The following TNS3 variants were observed in gnomAD, a reference collection of about 807,000 sequenced individuals.
TNS3 encodes the protein tensin-3.
A neutral mutation model predicts 140.9 loss-of-function variants in TNS3; 45 were observed. The ratio of observed to expected loss-of-function variants is 0.32; its 90% confidence interval spans 0.25 to 0.41. The LOEUF (loss-of-function observed/expected upper bound fraction) is 0.41. Ranked by LOEUF, TNS3 falls within the 10% of genes least tolerant of loss-of-function variation. TNS3 has a pLI of 1.00. For missense variants in TNS3, 1,716 were observed against 1,906.7 expected, an observed-to-expected ratio of 0.90 and a Z score of 1.86; for synonymous variants, 815 against 788.4, an observed-to-expected ratio of 1.03 and a Z score of -0.56.
At chr7:47,529,600 G>A (rs1394236182) in intron 1 of TNS3, among the ~76,000 whole-genome samples, 1 of 152,182 alleles carries the variant, frequency 6.6e-6, no homozygotes, top group African/African-American at 2.4e-5. Context: ...GGCTTTCCTG[G>A]TTCAAAGGTG....
intron 4 of TNS3, among the ~76,000 whole-genome samples, chr7:47,459,045 A>G (rs1450357127): frequency 6.6e-6 from 1 of 152,224 alleles, no homozygotes; most frequent in East Asian, 1.9e-4. Context: ...CTTTATGTCC[A>G]TATCACTATA....
chr7:47,327,298 C>T (rs148425696), intron 20 of TNS3, among the ~76,000 whole-genome samples: 30 of 152,320 alleles, frequency 2.0e-4, no homozygotes, highest in African/African-American at 7.2e-4. Context: ...GACATGAACT[C>T]GTTTAGAAAT....
intron 1 of TNS3, among the ~76,000 whole-genome samples, chr7:47,580,271 G>C (rs78172408): frequency 0.024 from 3,723 of 152,288 alleles, 65 homozygotes; most frequent in Non-Finnish European, 0.041. Context: ...TCTCGGCCAA[G>C]TTACTTAGCC....
chr7:47,292,027 A>C lies in TNS3; in HGVS notation c.3856T>G (p.Leu1286Val). Residue 1286 changes from leucine to valine, a missense_variant, in exon 27 of 31, where the codon TTG becomes GTG. Coordinates refer to ENST00000311160, the MANE Select transcript of TNS3 (RefSeq NM_022748.12). ...GGAGAACTTTCTGCTATTTCCTCCAATGGATCTGTAGGAAGGGGCAAGAAA... is the reference window on the plus strand; with the variant it reads ...GGAGAACTTTCTGCTATTTCCTCCACTGGATCTGTAGGAAGGGGCAAGAAA... ...CKLLIPERDP[L>V]EEIAESSPQT... is the part of the protein sequence containing the mutation. 1 of 1,614,080 alleles carries C rather than the reference A, an allele frequency of 6.2e-7. No individual in the cohort carries two copies. The highest frequency in any genetic ancestry group is 1.1e-5 in the South Asian group (1 of 91,064).
intron 21 of TNS3, among the ~76,000 whole-genome samples, chr7:47,304,353 T>C (rs2150722083): frequency 6.6e-6 from 1 of 152,366 alleles, no homozygotes; most frequent in African/African-American, 2.4e-5. Flanking sequence ...TGAGGGCTCC[T>C]CTTTTATTTT....
intron 4 of TNS3, among the ~76,000 whole-genome samples, chr7:47,459,665 T>C (rs934780009): frequency 6.6e-6 from 1 of 152,054 alleles, no homozygotes; most frequent in East Asian, 1.9e-4. Flanking sequence ...CCCCAGGACA[T>C]AAATATTTAT....
intron 3 of TNS3, 85 bp downstream of exon 3, chr7:47,506,822 T>C (rs1798433592): frequency 3.7e-6 from 4 of 1,085,316 alleles, no homozygotes; most frequent in Middle Eastern, 2.4e-4. Flanking sequence ...GTGGCTGCAG[T>C]CCAAAGAGGC....
chr7:47,369,048 G>C lies in TNS3; in HGVS notation c.1598C>G (p.Pro533Arg), dbSNP rs552081357. 1 of 1,613,924 alleles carries C rather than the reference G, an allele frequency of 6.2e-7. No homozygotes were observed. Among genetic ancestry groups the C allele is most frequent in the African/African-American group, 1.3e-5 (1 of 74,930 alleles). ...CAGGTCCGGAACGAGGGTGCCCTGC[G>C]GATCTTCACCAACGTTGCTGCCAAA... is the stretch of plus-strand genomic sequence containing the variant. Reference protein sequence around the residue: ...DGFGSNVGEDPQGTLVPDLGL... With the variant: ...DGFGSNVGEDRQGTLVPDLGL... Residue 533 changes from proline to arginine, a missense_variant, in exon 17 of 31, where the codon CCG becomes CGG. Physicochemically the swap from Pro to Arg is moderately radical, Grantham distance 103. This residue lies in a region of TNS3 where 1,163 missense variants were observed against 1,182.1 expected (regional missense o/e 0.98). Coordinates refer to ENST00000311160, the MANE Select transcript of TNS3 (RefSeq NM_022748.12).
chr7:47,503,019 A>G (rs1183993599), intron 3 of TNS3, among the ~76,000 whole-genome samples: 1 of 152,114 alleles, frequency 6.6e-6, no homozygotes, highest in Non-Finnish European at 1.5e-5. Flanking sequence ...TTTTTCCTGG[A>G]TTAAAGGGGG....
At chr7:47,380,603 C>A (rs1791694788) in intron 16 of TNS3, among the ~76,000 whole-genome samples, 1 of 152,206 alleles carries the variant, frequency 6.6e-6, no homozygotes, top group African/African-American at 2.4e-5. Flanking sequence ...AACGCCCTCT[C>A]CTCCTGGCTA....
chr7:47,338,606 G>T (rs114504399), intron 20 of TNS3, among the ~76,000 whole-genome samples: 1 of 151,980 alleles, frequency 6.6e-6, no homozygotes, highest in East Asian at 1.9e-4. Context: ...AAATTCAGGG[G>T]ATACTGAATT....
intron 2 of TNS3, among the ~76,000 whole-genome samples, chr7:47,519,567 T>C (rs1195457922): frequency 6.6e-6 from 1 of 152,172 alleles, no homozygotes; most frequent in Non-Finnish European, 1.5e-5. Context: ...TGGGTGTGAC[T>C]GTCCAGGACT....
chr7:47,565,223 G>A (rs1304978448), intron 1 of TNS3, among the ~76,000 whole-genome samples: 5 of 151,580 alleles, frequency 3.3e-5, no homozygotes, highest in African/African-American at 9.7e-5. Flanking sequence ...GACTACAGGC[G>A]CCCACCACCA....
At chr7:47,390,585 A>G (rs1326390581) in intron 16 of TNS3, among the ~76,000 whole-genome samples, 2 of 152,220 alleles carry the variant, frequency 1.3e-5, no homozygotes, top group African/African-American at 4.8e-5. Flanking sequence ...GGCAGAGCCC[A>G]GGCCTGGCAA....
chr7:47,499,160 T>C (rs1471682467), intron 3 of TNS3, among the ~76,000 whole-genome samples: 10 of 152,236 alleles, frequency 6.6e-5, no homozygotes, highest in Non-Finnish European at 4.4e-5. Context: ...AGAGCCCACA[T>C]GGTGGCCTTG....
At chr7:47,537,503 C>CGG (rs1396312776) in intron 1 of TNS3, among the ~76,000 whole-genome samples, 1 of 152,016 alleles carries the variant, frequency 6.6e-6, no homozygotes, top group Non-Finnish European at 1.5e-5. Flanking sequence ...GCCTTCCAGG[C>CGG]GGGGGGAGCA....
intron 4 of TNS3, among the ~76,000 whole-genome samples, chr7:47,460,362 C>T (rs1796438176): frequency 6.6e-6 from 1 of 152,228 alleles, no homozygotes; most frequent in Non-Finnish European, 1.5e-5. Flanking sequence ...ACACCCTCAT[C>T]TCAGCCTTCC....
Position 47,424,171 on chromosome 7 carries a change from G to C in TNS3, c.403C>G (p.Leu135Val). 2 of 1,614,142 alleles carry C rather than the reference G, an allele frequency of 1.2e-6. No individual in the cohort carries two copies. The highest frequency in any genetic ancestry group is 8.5e-7 in the Non-Finnish European group (1 of 1,180,026). The stretch of plus-strand genomic sequence containing the variant: ...AACTTCTTCATTGCAAACCTGTCAA[G>C]GGCCTGGTCGGCGCTGAAGGGGAGA... ...TNVSASADQA[L>V]DRFAMKKFYD... The change falls in exon 10 of 31, where the codon CTT becomes GTT. Residue 135 changes from leucine to valine, a missense_variant. By Grantham distance (32) the Leu-to-Val change is conservative. Around this residue, in one of 3 missense-constraint regions of TNS3, gnomAD observed 337 missense variants for 428.9 expected, o/e 0.79. Coordinates refer to ENST00000311160, the MANE Select transcript of TNS3 (RefSeq NM_022748.12).
At chr7:47,438,706 G>A (rs546786806) in intron 6 of TNS3, among the ~76,000 whole-genome samples, 33 of 152,262 alleles carry the variant, frequency 2.2e-4, no homozygotes, top group African/African-American at 7.5e-4. Flanking sequence ...TGCCACTTGG[G>A]TCCACCTCTC....
Sources: gnomAD v4.1 joint callset for allele counts (sites outside exome capture counted in the v4.1 genomes callset) on GRCh38, gnomAD v4.1.1 for gene constraint, gnomAD v4.1.1 regional missense constraint, MANE v1.5 for transcripts, NCBI Gene and HGNC (gene_info 2026-07-23, HGNC 2026-07-21) for gene names.